Variants in PLCB1 observed in about 807,000 individuals in gnomAD.
PLCB1 encodes phospholipase C beta 1.
Under a neutral mutation model 161.8 loss-of-function variants are expected in PLCB1, and 46 were observed. That is an observed-to-expected ratio of 0.28 (90% CI 0.22 to 0.36). PLCB1 has a LOEUF of 0.36. Among genes scored for constraint, PLCB1 ranks in the 10% least tolerant of loss-of-function variants. The pLI, the probability that PLCB1 is intolerant of heterozygous loss-of-function variation, is 1.00. For synonymous variants in PLCB1, 517 were observed against 503.7 expected, an observed-to-expected ratio of 1.03 and a Z score of -0.35; for missense variants, 1,016 against 1,472.5, an observed-to-expected ratio of 0.69 and a Z score of 5.07.
At chr20:8,708,559 A>T in intron 11 of PLCB1, 111 bp from the exon 12 acceptor site, 1 of 689,672 alleles carries the variant, frequency 1.4e-6, no homozygotes, top group Non-Finnish European at 2.6e-6. Context: ...AGGCCATTCG[A>T]TACAATTCTC....
intron 31 of PLCB1, among the ~76,000 whole-genome samples, chr20:8,879,868 G>C (rs1278980988): frequency 6.6e-6 from 1 of 152,140 alleles, no homozygotes; most frequent in Non-Finnish European, 1.5e-5. Flanking sequence ...AGGCTGCCCT[G>C]AAAGCTGCAG....
intron 2 of PLCB1, among the ~76,000 whole-genome samples, chr20:8,217,925 C>A (rs915738196): frequency 6.6e-6 from 1 of 152,082 alleles, no homozygotes; most frequent in Non-Finnish European, 1.5e-5. Context: ...CATCAAGCAG[C>A]CCCTTGCCAG....
At chr20:8,215,412 C>T (rs1001757849) in intron 2 of PLCB1, among the ~76,000 whole-genome samples, 5 of 151,968 alleles carry the variant, frequency 3.3e-5, no homozygotes, top group Non-Finnish European at 5.9e-5. Flanking sequence ...GGATTAGAGA[C>T]GGCAACATCA....
intron 2 of PLCB1, among the ~76,000 whole-genome samples, chr20:8,196,568 T>A (rs1568586473): frequency 6.6e-6 from 1 of 151,652 alleles, no homozygotes; most frequent in East Asian, 1.9e-4. Flanking sequence ...TGCAGTGCGT[T>A]TATAGAGGCA....
At chr20:8,652,098 C>A (rs1195975115) in intron 7 of PLCB1, 1 of 152,132 alleles carries the variant, frequency 6.6e-6, no homozygotes, top group Admixed American at 6.6e-5. Context: ...TTCTAAACAA[C>A]TGGATTCTGA....
chr20:8,296,697 G>A (rs1048974454), intron 2 of PLCB1, among the ~76,000 whole-genome samples: 8 of 152,082 alleles, frequency 5.3e-5, no homozygotes, highest in African/African-American at 7.2e-5. Context: ...GGCTGTGGTT[G>A]AGCCCAGCCT....
intron 2 of PLCB1, among the ~76,000 whole-genome samples, chr20:8,203,044 G>A (rs1978336860): frequency 6.6e-6 from 1 of 151,974 alleles, no homozygotes; most frequent in African/African-American, 2.4e-5. Context: ...TACGGAGCAG[G>A]AAAGTTTAAG....
chr20:8,259,123 A>G (rs1352478958), intron 2 of PLCB1, among the ~76,000 whole-genome samples: 1 of 152,202 alleles, frequency 6.6e-6, no homozygotes, highest in Non-Finnish European at 1.5e-5. Context: ...ACTGATGAGT[A>G]ATATTTTATT....
intron 2 of PLCB1, among the ~76,000 whole-genome samples, chr20:8,158,099 C>T (rs2051581648): frequency 6.6e-6 from 1 of 152,066 alleles, no homozygotes; most frequent in South Asian, 2.1e-4. Flanking sequence ...CTTTTTGATG[C>T]CAAAAAATGG....
At chr20:8,160,339 C>G (rs1352365211) in intron 2 of PLCB1, among the ~76,000 whole-genome samples, 1 of 152,150 alleles carries the variant, frequency 6.6e-6, no homozygotes, top group African/African-American at 2.4e-5. Context: ...AGTTGCTTCC[C>G]CATTTTTGGG....
intron 4 of PLCB1, among the ~76,000 whole-genome samples, chr20:8,632,187 A>G (rs1988622299): frequency 6.6e-6 from 1 of 151,740 alleles, no homozygotes; most frequent in Admixed American, 6.6e-5. Flanking sequence ...GAGTTCTGTA[A>G]TTTGGGCCCC....
intron 3 of PLCB1, among the ~76,000 whole-genome samples, chr20:8,565,681 G>A (rs1422579447): frequency 6.6e-6 from 1 of 152,076 alleles, no homozygotes; most frequent in Non-Finnish European, 1.5e-5. Flanking sequence ...GAGTAGCCAT[G>A]TGACTAATTC....
At chr20:8,827,818 C>G (rs1313333289) in intron 31 of PLCB1, among the ~76,000 whole-genome samples, 1 of 152,198 alleles carries the variant, frequency 6.6e-6, no homozygotes, top group African/African-American at 2.4e-5. Flanking sequence ...ACATGAAAAT[C>G]ATTTGAGATT....
At chr20:8,792,392 G>A (rs1471222903) in intron 31 of PLCB1, among the ~76,000 whole-genome samples, 1 of 152,126 alleles carries the variant, frequency 6.6e-6, no homozygotes, top group Non-Finnish European at 1.5e-5. Flanking sequence ...TCAGGTACCT[G>A]AACAAAACTG....
At chr20:8,318,745 T>A (rs1390906442) in intron 2 of PLCB1, among the ~76,000 whole-genome samples, 1 of 152,196 alleles carries the variant, frequency 6.6e-6, no homozygotes, top group Non-Finnish European at 1.5e-5. Context: ...AAGAAAAAAT[T>A]GAAAAAATAA....
At chr20:8,620,258 CTTG>C (rs1292029829) in intron 3 of PLCB1, among the ~76,000 whole-genome samples, 2 of 151,992 alleles carry the variant, frequency 1.3e-5, no homozygotes, top group African/African-American at 4.8e-5. Flanking sequence ...GTACTCACAA[CTTG>C]TTATGTGCGG....
intron 3 of PLCB1, among the ~76,000 whole-genome samples, chr20:8,400,646 G>T (rs1978508105): frequency 6.6e-6 from 1 of 152,056 alleles, no homozygotes; most frequent in Non-Finnish European, 1.5e-5. Context: ...GCTATCAAAT[G>T]CTATTTAAAC....
intron 4 of PLCB1, among the ~76,000 whole-genome samples, chr20:8,643,535 C>T (rs371974785): frequency 2.0e-5 from 3 of 152,088 alleles, no homozygotes; most frequent in African/African-American, 7.2e-5. Context: ...CACATGACAG[C>T]GTATTATCGG....
intron 3 of PLCB1, among the ~76,000 whole-genome samples, chr20:8,604,805 T>C (rs938810881): frequency 3.3e-5 from 5 of 152,212 alleles, no homozygotes; most frequent in Non-Finnish European, 7.3e-5. Flanking sequence ...AAATGTAATA[T>C]AGAATATTTT....
Sources: gnomAD v4.1 joint callset for allele counts (sites outside exome capture counted in the v4.1 genomes callset) on GRCh38, gnomAD v4.1.1 for gene constraint, MANE v1.5 for transcripts, NCBI Gene and HGNC (gene_info 2026-07-23, HGNC 2026-07-21) for gene names.